The following CEP112 variants were observed in gnomAD, a reference collection of about 807,000 sequenced individuals.
The protein encoded by CEP112 is centrosomal protein 112, also known as centrosomal protein of 112 kDa.
A neutral mutation model predicts 153.0 loss-of-function variants in CEP112; 127 were observed. The ratio of observed to expected loss-of-function variants is 0.83; its 90% CI spans 0.72 to 0.96. CEP112 has a LOEUF of 0.96. Ranked by LOEUF, CEP112 falls within the 40% of genes least tolerant of loss-of-function variation. The probability of loss-of-function intolerance (pLI) is 0.00; values close to 1 mark genes in which losing one functional copy is unlikely to be tolerated. For missense variants in CEP112, 1,089 were observed against 1,101.2 expected (o/e 0.99, Z 0.16); for synonymous variants, 358 against 374.4 (o/e 0.96, Z 0.51).
chr17:65,713,462 A>G (rs903681124), intron 23 of CEP112, among the ~76,000 whole-genome samples: 12 of 152,362 alleles, frequency 7.9e-5, no homozygotes, highest in African/African-American at 2.9e-4. Context: ...GTTGTGCTAC[A>G]CATTGGTTCC....
At chr17:65,948,004 A>G (rs1471059430) in intron 18 of CEP112, among the ~76,000 whole-genome samples, 1 of 152,198 alleles carries the variant, frequency 6.6e-6, no homozygotes, top group African/African-American at 2.4e-5. Context: ...CTTTAAGTCT[A>G]TTTCTTATCC....
chr17:65,918,414 T>C (rs922228762), intron 19 of CEP112, among the ~76,000 whole-genome samples: 2 of 152,228 alleles, frequency 1.3e-5, no homozygotes, highest in African/African-American at 4.8e-5. Context: ...TTTTAAATAA[T>C]GGCAGCTTGT....
At chr17:66,074,939 C>T (rs1307594782) in intron 8 of CEP112, among the ~76,000 whole-genome samples, 1 of 141,376 alleles carries the variant, frequency 7.1e-6, no homozygotes, top group East Asian at 2.1e-4. Context: ...TTCAGAGAAA[C>T]AACAGGCTCC....
intron 21 of CEP112, among the ~76,000 whole-genome samples, chr17:65,788,364 G>C (rs1252526870): frequency 6.6e-6 from 1 of 152,092 alleles, no homozygotes; most frequent in Non-Finnish European, 1.5e-5. Flanking sequence ...TATGTAATTT[G>C]CTTTTTACTG....
At chr17:65,673,738 G>C (rs1473298619) in intron 24 of CEP112, among the ~76,000 whole-genome samples, 1 of 151,904 alleles carries the variant, frequency 6.6e-6, no homozygotes, top group East Asian at 1.9e-4. Flanking sequence ...GGAAACCATA[G>C]GGAAAAAGAT....
At position 66,062,335 on chromosome 17, in the gene CEP112, C is replaced by T. The variant is rs147220314; in HGVS notation, c.1074+628G>A. On this transcript the variant is annotated intron_variant, in intron 11 of 26. Coordinates refer to ENST00000535342, the MANE Select transcript of CEP112 (RefSeq NM_001199165.4). The stretch of plus-strand genomic sequence containing the variant: ...AGAAATAAATTATGGTTTTCTAATG[C>T]ACAGTAGAGTGATTATAGTTTATAA... Among the ~76,000 whole-genome samples, 585 of 151,804 alleles carry T rather than the reference C, an allele frequency of 3.9e-3. 6 individuals are homozygous for T. The highest frequency in any genetic ancestry group is 0.014 in the African/African-American group (561 of 41,304).
intron 4 of CEP112, among the ~76,000 whole-genome samples, chr17:66,150,513 G>A (rs1445568231): frequency 6.6e-6 from 1 of 152,198 alleles, no homozygotes; most frequent in Non-Finnish European, 1.5e-5. Flanking sequence ...TTATAGGCGT[G>A]AGCCATCGCA....
In CEP112 at chr17:65,954,860, G is replaced by A. The variant is rs569264681; in HGVS notation, c.1872+6603C>T. Among the ~76,000 whole-genome samples, 73 of 152,136 alleles carry A rather than the reference G, an allele frequency of 4.8e-4. 2 individuals carry two copies. The highest frequency in any genetic ancestry group is 1.5e-4 in the Non-Finnish European group (10 of 68,030). ...TGAACAAAGCCTCCTAGAAGTTTGG[G>A]ACTAAGTTAAACATCCAAACCTAAG... On this transcript the variant is annotated intron_variant, in intron 18 of 26. Coordinates refer to ENST00000535342, the MANE Select transcript of CEP112 (RefSeq NM_001199165.4).
intron 16 of CEP112, among the ~76,000 whole-genome samples, chr17:66,023,669 GAGAA>G (rs1319172900): frequency 2.2e-4 from 33 of 152,006 alleles, no homozygotes; most frequent in African/African-American, 7.2e-4. Flanking sequence ...AAAGGAGGAA[GAGAA>G]AGAAATTAAA....
chr17:66,186,717 A>AT (rs964148141), intron 1 of CEP112, among the ~76,000 whole-genome samples: 14 of 152,306 alleles, frequency 9.2e-5, no homozygotes, highest in African/African-American at 3.4e-4. Flanking sequence ...GCACTGCCTT[A>AT]TAGTCAGATG....
At chr17:65,655,450 A>C (rs1192010783) in intron 24 of CEP112, 16 of 1,065,548 alleles carry the variant, frequency 1.5e-5, no homozygotes, top group Non-Finnish European at 2.3e-5. Context: ...CTGTCTTTTG[A>C]ATGGGCCACA....
At chr17:65,643,677 T>C (rs1196862084) in intron 24 of CEP112, among the ~76,000 whole-genome samples, 2 of 152,198 alleles carry the variant, frequency 1.3e-5, no homozygotes, top group Non-Finnish European at 2.9e-5. Context: ...GGTGAGCTCA[T>C]TGCCATCCAG....
intron 4 of CEP112, among the ~76,000 whole-genome samples, chr17:66,155,723 G>A (rs1397029127): frequency 6.6e-6 from 1 of 152,162 alleles, no homozygotes. Context: ...AGAGGCATCC[G>A]CCATTACTGA....
chr17:65,923,116 C>T (rs1225340701), intron 19 of CEP112, among the ~76,000 whole-genome samples: 1 of 152,134 alleles, frequency 6.6e-6, no homozygotes, highest in South Asian at 2.1e-4. Context: ...CCATATTAAT[C>T]GGAAATTAAC....
chr17:66,076,792 C>T (rs553505229), intron 8 of CEP112, among the ~76,000 whole-genome samples: 2 of 152,342 alleles, frequency 1.3e-5, no homozygotes, highest in East Asian at 3.9e-4. Flanking sequence ...TAAGAACCCT[C>T]ACAGAGTCCA....
At chr17:66,182,881 AG>A (rs748524293) in intron 2 of CEP112, among the ~76,000 whole-genome samples, 2 of 152,210 alleles carry the variant, frequency 1.3e-5, no homozygotes, top group Non-Finnish European at 2.9e-5. Context: ...AAAATTTGCA[AG>A]AAAAATTTCC....
intron 12 of CEP112, among the ~76,000 whole-genome samples, chr17:66,031,739 G>A (rs913701919): frequency 3.3e-5 from 5 of 152,146 alleles, no homozygotes; most frequent in Non-Finnish European, 7.3e-5. Context: ...TAGGATTACA[G>A]GCGTGTGCCA....
At chr17:65,837,526 C>T (rs957727317) in intron 21 of CEP112, among the ~76,000 whole-genome samples, 16 of 152,008 alleles carry the variant, frequency 1.1e-4, no homozygotes, top group Admixed American at 4.6e-4. Flanking sequence ...GCGTCTCTGA[C>T]CAGCCACCCT....
chr17:65,700,840 A>G (rs2048595587), intron 23 of CEP112, among the ~76,000 whole-genome samples: 1 of 152,182 alleles, frequency 6.6e-6, no homozygotes, highest in African/African-American at 2.4e-5. Flanking sequence ...GACAAGACAG[A>G]GGCAAGGATC....
Sources: gnomAD v4.1 joint callset for allele counts (sites outside exome capture counted in the v4.1 genomes callset) on GRCh38, gnomAD v4.1.1 for gene constraint, MANE v1.5 for transcripts, NCBI Gene and HGNC (gene_info 2026-07-23, HGNC 2026-07-21) for gene names.